The following CBFA2T3 variants were observed in gnomAD, a reference collection of about 807,000 sequenced individuals.
CBFA2T3 encodes the protein transcriptional corepressor CBFA2T3.
Under a neutral mutation model 58.6 loss-of-function variants are expected in CBFA2T3, and 31 were observed. The observed-to-expected ratio is 0.53, with a 90% CI of 0.40 to 0.71. The LOEUF is 0.71. Ranked by LOEUF, CBFA2T3 falls within the 30% of genes least tolerant of loss-of-function variation. CBFA2T3 has a pLI of 0.00. For missense variants in CBFA2T3, 1,076 were observed against 963.1 expected (o/e 1.12, Z -1.55); for synonymous variants, 531 against 421.9 (o/e 1.26, Z -3.17).
At chr16:88,881,147 T>C (rs1207868838) in intron 9 of CBFA2T3, 144 bp downstream of exon 9, 2 of 811,870 alleles carry the variant, frequency 2.5e-6, no homozygotes, top group Middle Eastern at 2.2e-4. Flanking sequence ...GCCCGTGTTT[T>C]CCTACAAAGT....
chr16:88,880,706 G>A lies in CBFA2T3; in HGVS notation c.1471+14C>T, dbSNP rs374470027. 2 of 1,557,218 alleles carry A rather than the reference G, an allele frequency of 1.3e-6. No individual in the cohort carries two copies. The highest frequency in any genetic ancestry group is 1.7e-6 in the Non-Finnish European group (2 of 1,150,018). On this transcript the variant is annotated intron_variant, in intron 10 of 11. Coordinates refer to ENST00000268679, the MANE Select transcript of CBFA2T3 (RefSeq NM_005187.6). ...CCACAGCTCTGCTGGCCAGGCCCCT[G>A]CACCCCCACTCACCAGCCTTCCTCC...
intron 1 of CBFA2T3, 91 bp downstream of exon 1, chr16:88,976,566 G>C: frequency 1.0e-6 from 1 of 985,226 alleles, no homozygotes; most frequent in Admixed American, 2.3e-5. Context: ...ACTAAGCTGG[G>C]CAGGCCCCGC....
At position 88,910,224 on chromosome 16, in the gene CBFA2T3, C is replaced by G. The variant is rs985871442; in HGVS notation, c.152-8568G>C. 6.6e-5 allele frequency among the ~76,000 whole-genome samples: 10 copies of G among 152,374 alleles called. No homozygotes were observed. The Middle Eastern group carries it at 0.01, about 155-fold the overall frequency. ...CCACCAGGTCCCCGCAAGTCTGCCT[C>G]TCATCCTCACACCTTTGCTGCAGGC... is the stretch of plus-strand genomic sequence containing the variant. On this transcript the variant is annotated intron_variant, in intron 1 of 11. Transcript: ENST00000268679.
intron 5 of CBFA2T3, 27 bp downstream of exon 5, chr16:88,891,855 C>A (rs377537767): frequency 1.3e-6 from 2 of 1,550,726 alleles, no homozygotes; most frequent in Admixed American, 3.4e-5. Flanking sequence ...GAGGCTCCCG[C>A]AGCACGGGGG....
At chr16:88,945,827 A>G (rs953887087) in intron 1 of CBFA2T3, among the ~76,000 whole-genome samples, 2 of 152,254 alleles carry the variant, frequency 1.3e-5, no homozygotes, top group Admixed American at 6.5e-5. Context: ...ATTTACCCAA[A>G]TGAGTTAAAA....
chr16:88,919,420 G>A lies in CBFA2T3; in HGVS notation c.152-17764C>T, dbSNP rs561562748. Among the ~76,000 whole-genome samples the A allele has an allele frequency of 3.3e-5, 5 of 152,270 alleles. No individual in the cohort carries two copies. In the South Asian group the frequency reaches 6.2e-4, roughly 19 times the overall value. On this transcript the variant is annotated intron_variant, in intron 1 of 11. Coordinates refer to ENST00000268679, the MANE Select transcript of CBFA2T3 (RefSeq NM_005187.6). Reference sequence around the variant, plus strand: ...GCCTTGCTGAGAGAATTAAATTTACGTTCAAGTGCTATTTCTTTGCAGCAC... The same window carrying A: ...GCCTTGCTGAGAGAATTAAATTTACATTCAAGTGCTATTTCTTTGCAGCAC...
At chr16:88,923,669 G>A (rs982392387) in intron 1 of CBFA2T3, among the ~76,000 whole-genome samples, 4 of 152,246 alleles carry the variant, frequency 2.6e-5, no homozygotes, top group Non-Finnish European at 4.4e-5. Context: ...AGGCCAAGCT[G>A]CGCATCCTCC....
chr16:88,935,636 G>A (rs779919312), intron 1 of CBFA2T3, among the ~76,000 whole-genome samples: 23 of 152,194 alleles, frequency 1.5e-4, no homozygotes, highest in Non-Finnish European at 2.8e-4. Context: ...TCTGACCATC[G>A]AGGTGGTCTC....
intron 1 of CBFA2T3, among the ~76,000 whole-genome samples, chr16:88,933,909 C>G (rs1386740591): frequency 1.3e-5 from 2 of 151,994 alleles, no homozygotes; most frequent in Non-Finnish European, 2.9e-5. Context: ...GAGGCGAGAC[C>G]CCAGTGAGCC....
intron 1 of CBFA2T3, among the ~76,000 whole-genome samples, chr16:88,974,480 G>A (rs180687885): frequency 1.1e-3 from 167 of 152,136 alleles, no homozygotes; most frequent in Non-Finnish European, 2.0e-3. Flanking sequence ...CAGAGGAGAC[G>A]AGGGGCTGAG....
At chr16:88,943,004 C>T (rs1971796132) in intron 1 of CBFA2T3, among the ~76,000 whole-genome samples, 2 of 152,366 alleles carry the variant, frequency 1.3e-5, no homozygotes, top group African/African-American at 4.8e-5. Flanking sequence ...TTTATCCATC[C>T]TGGCTCCCTG....
At chr16:88,894,028 C>A (rs764537042) in intron 3 of CBFA2T3, among the ~76,000 whole-genome samples, 1 of 152,166 alleles carries the variant, frequency 6.6e-6, no homozygotes, top group Non-Finnish European at 1.5e-5. Context: ...GCCCCGCACA[C>A]ACTCACGGCT....
intron 1 of CBFA2T3, among the ~76,000 whole-genome samples, chr16:88,933,903 C>T (rs1033170995): frequency 3.9e-5 from 6 of 151,986 alleles, no homozygotes; most frequent in African/African-American, 1.5e-4. Flanking sequence ...AGGACAGAGG[C>T]GAGACCCCAG....
At chr16:88,909,051 C>T (rs1970435550) in intron 1 of CBFA2T3, among the ~76,000 whole-genome samples, 1 of 152,180 alleles carries the variant, frequency 6.6e-6, no homozygotes, top group African/African-American at 2.4e-5. Flanking sequence ...TGGAGCTGAC[C>T]ACAGGCCCCA....
intron 1 of CBFA2T3, among the ~76,000 whole-genome samples, chr16:88,935,629 G>C (rs539365800): frequency 6.6e-6 from 1 of 152,342 alleles, no homozygotes; most frequent in African/African-American, 2.4e-5. Context: ...GCCAGAGTCT[G>C]ACCATCGAGG....
chr16:88,916,316 A>G (rs1970727073), intron 1 of CBFA2T3, among the ~76,000 whole-genome samples: 1 of 146,652 alleles, frequency 6.8e-6, no homozygotes, highest in African/African-American at 2.6e-5. Context: ...ATGCGTGTGT[A>G]TTCATGCGTG....
At chr16:88,913,693 A>G (rs28395377) in intron 1 of CBFA2T3, among the ~76,000 whole-genome samples, 16,265 of 152,192 alleles carry the variant, frequency 0.11, 2,149 homozygotes, top group African/African-American at 0.32. Flanking sequence ...ATGCATTCTC[A>G]GGACATGTGC....
Position 88,885,616 on chromosome 16 carries a change from G to A in CBFA2T3, c.893+345C>T. 1 of 417,774 alleles carries A rather than the reference G, an allele frequency of 2.4e-6. No homozygotes were observed. The highest frequency in any genetic ancestry group is 4.0e-5 in the Admixed American group (1 of 24,704). The allele number at this position is 417,774 out of a possible 1,614,324, so 25.9% of individuals were successfully genotyped here. ...CCCCTTGGGCAGCAGCAGCACAAGAGCGTCTGGGGCAGCAGAGGGGGCCCA... is the reference window on the plus strand; with the variant it reads ...CCCCTTGGGCAGCAGCAGCACAAGAACGTCTGGGGCAGCAGAGGGGGCCCA... On this transcript the variant is annotated intron_variant, in intron 6 of 11. Transcript: ENST00000268679. This position sits in a 1 kb window ranked among gnomAD's most constrained non-coding sequence, Gnocchi z 5.3.
chr16:88,963,162 G>A (rs1030589790), intron 1 of CBFA2T3, among the ~76,000 whole-genome samples: 10 of 152,176 alleles, frequency 6.6e-5, no homozygotes, highest in Non-Finnish European at 1.3e-4. Flanking sequence ...GCCCAGGGCC[G>A]GAGGGAGAGA....
Sources: gnomAD v4.1 joint callset for allele counts (sites outside exome capture counted in the v4.1 genomes callset) on GRCh38, gnomAD v4.1.1 for gene constraint, Gnocchi (gnomAD v3.1) non-coding constraint, MANE v1.5 for transcripts, NCBI Gene and HGNC (gene_info 2026-07-23, HGNC 2026-07-21) for gene names.